CNTN4: variants seen among roughly 807,000 people sequenced by gnomAD.
CNTN4 encodes the protein contactin-4.
In CNTN4, 77 loss-of-function variants were observed where a neutral mutation model predicts 122.5. The observed-to-expected ratio is 0.63, with a 90% confidence interval of 0.52 to 0.76. CNTN4 has a LOEUF of 0.76. Ranked by LOEUF, CNTN4 falls within the 30% of genes least tolerant of loss-of-function variation. The pLI is 0.00. For synonymous variants in CNTN4, 512 were observed against 447.0 expected, an observed-to-expected ratio of 1.15 and a Z score of -1.83; for missense variants, 1,256 against 1,259.1, an observed-to-expected ratio of 1.00 and a Z score of 0.04.
At chr3:2,633,011 CTATT>C (rs1217005958) in intron 4 of CNTN4, among the ~76,000 whole-genome samples, 2 of 148,650 alleles carry the variant, frequency 1.3e-5, no homozygotes, top group African/African-American at 2.4e-5. Context: ...TATATAATAT[CTATT>C]TATAACATAT....
intron 2 of CNTN4, among the ~76,000 whole-genome samples, chr3:2,221,875 TAAAAA>T (rs892966872): frequency 1.3e-5 from 2 of 152,048 alleles, no homozygotes; most frequent in African/African-American, 4.8e-5. Context: ...ATGGTTAAAA[TAAAAA>T]AGACAGTAAT....
chr3:2,404,912 C>T (rs908127639), intron 3 of CNTN4, among the ~76,000 whole-genome samples: 1 of 152,086 alleles, frequency 6.6e-6, no homozygotes, highest in African/African-American at 2.4e-5. Context: ...GGGATGGAGA[C>T]AGTCATCCCC....
chr3:2,296,179 A>G (rs1380962588), intron 2 of CNTN4, among the ~76,000 whole-genome samples: 1 of 152,136 alleles, frequency 6.6e-6, no homozygotes, highest in Non-Finnish European at 1.5e-5. Context: ...TTGGTTCCAT[A>G]TGAACTTTAA....
intron 13 of CNTN4, among the ~76,000 whole-genome samples, chr3:2,932,872 G>C (rs144717655): frequency 0.023 from 3,435 of 151,976 alleles, 113 homozygotes; most frequent in African/African-American, 0.077. Flanking sequence ...GCCCAGGCTG[G>C]AGGGCAGTGG....
chr3:2,707,408 C>G (rs995100253), intron 4 of CNTN4, among the ~76,000 whole-genome samples: 3 of 151,864 alleles, frequency 2.0e-5, no homozygotes, highest in Admixed American at 2.0e-4. Flanking sequence ...ATTCAAAAAT[C>G]TTTTAGGACT....
chr3:2,567,155 C>A (rs575147324), intron 3 of CNTN4, among the ~76,000 whole-genome samples: 4 of 149,366 alleles, frequency 2.7e-5, no homozygotes, highest in Non-Finnish European at 5.9e-5. Flanking sequence ...TGCACGATCT[C>A]GGCTCACTGC....
rs748875193 is a variant in CNTN4, at chr3:3,056,108, C to T, written c.2981-12C>T. ...TGGGGCTGTTTTGAGTGAATTTGTTCTCTCTTTTCAGATGCCTACGCGAGA... is the reference window on the plus strand; with the variant it reads ...TGGGGCTGTTTTGAGTGAATTTGTTTTCTCTTTTCAGATGCCTACGCGAGA... On this transcript the variant is annotated splice_polypyrimidine_tract_variant and intron_variant, in intron 24 of 24. Transcript: ENST00000418658. 8 of 1,610,430 alleles carry T rather than the reference C, an allele frequency of 5.0e-6. No individual in the cohort carries two copies. The highest frequency in any genetic ancestry group is 3.3e-4 in the Middle Eastern group (2 of 6,056).
intron 13 of CNTN4, among the ~76,000 whole-genome samples, chr3:2,955,672 A>G (rs1195659067): frequency 6.6e-6 from 1 of 152,222 alleles, no homozygotes; most frequent in Non-Finnish European, 1.5e-5. Context: ...CTTCATGCCA[A>G]CATTTAGTAG....
intron 2 of CNTN4, among the ~76,000 whole-genome samples, chr3:2,163,946 A>G (rs1319281023): frequency 6.6e-6 from 1 of 152,134 alleles, no homozygotes; most frequent in African/African-American, 2.4e-5. Context: ...GAGATTCCTT[A>G]AGGAACTAAA....
In CNTN4 at chr3:2,674,966, A is replaced by G. The variant is rs1169844394; in HGVS notation, c.56-61249A>G. Among the ~76,000 whole-genome samples, 6 of 152,262 alleles carry G rather than the reference A, an allele frequency of 3.9e-5. No homozygotes were observed. The East Asian group carries it at 1.2e-3, about 29-fold the overall frequency. ...TTAATTGCTTTAGTTTCCACATATAAGTGAGAACACGTGGTATTTATCTTT... is the reference window on the plus strand; with the variant it reads ...TTAATTGCTTTAGTTTCCACATATAGGTGAGAACACGTGGTATTTATCTTT... On this transcript the variant is annotated intron_variant, in intron 4 of 24. Coordinates refer to ENST00000418658, the MANE Select transcript of CNTN4 (RefSeq NM_175607.3).
intron 3 of CNTN4, among the ~76,000 whole-genome samples, chr3:2,389,886 A>T (rs550878099): frequency 6.6e-6 from 1 of 152,350 alleles, no homozygotes; most frequent in South Asian, 2.1e-4. Flanking sequence ...ACTTTACAAA[A>T]TAATTGTCCT....
At chr3:2,467,105 T>C (rs952272724) in intron 3 of CNTN4, among the ~76,000 whole-genome samples, 2 of 151,158 alleles carry the variant, frequency 1.3e-5, no homozygotes, top group African/African-American at 4.9e-5. Flanking sequence ...TACATATTTT[T>C]CCCATTGGAT....
At chr3:2,426,197 T>A (rs528545909) in intron 3 of CNTN4, among the ~76,000 whole-genome samples, 1 of 152,354 alleles carries the variant, frequency 6.6e-6, no homozygotes, top group African/African-American at 2.4e-5. Flanking sequence ...TGATGTTAGC[T>A]GTGGGTTTGT....
chr3:3,022,343 T>C (rs928223254), intron 14 of CNTN4, among the ~76,000 whole-genome samples: 1 of 152,194 alleles, frequency 6.6e-6, no homozygotes, highest in Non-Finnish European at 1.5e-5. Context: ...TTTGAAGTTA[T>C]GGTGAGCTTT....
intron 2 of CNTN4, among the ~76,000 whole-genome samples, chr3:2,323,616 A>C (rs377327517): frequency 6.6e-6 from 1 of 152,190 alleles, no homozygotes; most frequent in Non-Finnish European, 1.5e-5. Flanking sequence ...AACTAAACAA[A>C]TATCCACCAT....
chr3:2,939,894 C>G (rs1018386552), intron 13 of CNTN4, among the ~76,000 whole-genome samples: 11 of 152,204 alleles, frequency 7.2e-5, no homozygotes, highest in African/African-American at 2.7e-4. Flanking sequence ...TCAGCGATAG[C>G]TCACATTCAT....
chr3:2,747,213 T>C (rs896253468), intron 6 of CNTN4, among the ~76,000 whole-genome samples: 9 of 151,844 alleles, frequency 5.9e-5, no homozygotes, highest in African/African-American at 1.7e-4. Context: ...ATCGAGACCA[T>C]CCTGGCTAAC....
intron 2 of CNTN4, among the ~76,000 whole-genome samples, chr3:2,307,687 G>T (rs1306771677): frequency 1.3e-5 from 2 of 151,904 alleles, no homozygotes; most frequent in African/African-American, 4.8e-5. Flanking sequence ...TGTGGCTTTT[G>T]TTCTTTATTG....
At chr3:2,798,053 A>AT (rs374395042) in intron 6 of CNTN4, among the ~76,000 whole-genome samples, 2 of 125,072 alleles carry the variant, frequency 1.6e-5, no homozygotes, top group African/African-American at 3.0e-5. Context: ...CCCATTAAGT[A>AT]TTTTTTTTTA....
Sources: gnomAD v4.1 joint callset for allele counts (sites outside exome capture counted in the v4.1 genomes callset) on GRCh38, gnomAD v4.1.1 for gene constraint, MANE v1.5 for transcripts, NCBI Gene and HGNC (gene_info 2026-07-23, HGNC 2026-07-21) for gene names.